SULT2B1: variants seen among roughly 807,000 people sequenced by gnomAD.
SULT2B1 encodes sulfotransferase 2B1.
SULT2B1 carries 16 observed loss-of-function variants against 33.2 expected under a neutral mutation model. The observed-to-expected ratio is 0.48, with a 90% CI of 0.33 to 0.73. The LOEUF (loss-of-function observed/expected upper bound fraction) is 0.73. Among genes scored for constraint, SULT2B1 ranks in the 30% least tolerant of loss-of-function variants. The pLI is 0.02. For synonymous variants in SULT2B1, 186 were observed against 200.5 expected (o/e 0.93, Z 0.61); for missense variants, 500 against 506.0 (o/e 0.99, Z 0.11).
At chr19:48,592,336 A>G (rs1973653877) in intron 4 of SULT2B1, among the ~76,000 whole-genome samples, 1 of 151,990 alleles carries the variant, frequency 6.6e-6, no homozygotes, top group African/African-American at 2.4e-5. Context: ...AAATGCAGAA[A>G]GAGAGATGGA....
chr19:48,554,148 G>A (rs763143485), intron 1 of SULT2B1, among the ~76,000 whole-genome samples: 1 of 151,998 alleles, frequency 6.6e-6, no homozygotes, highest in Non-Finnish European at 1.5e-5. Context: ...CAGAGCCCTG[G>A]GGGGGTGCCC....
chr19:48,560,212 G>C (rs375481115), intron 1 of SULT2B1, among the ~76,000 whole-genome samples: 1 of 152,054 alleles, frequency 6.6e-6, no homozygotes, highest in African/African-American at 2.4e-5. Flanking sequence ...CCAGAAACTC[G>C]AATGCTAGCA....
At chr19:48,555,532 A>G (rs1156725076) in intron 1 of SULT2B1, among the ~76,000 whole-genome samples, 1 of 143,380 alleles carries the variant, frequency 7.0e-6, no homozygotes, top group Non-Finnish European at 1.5e-5. Flanking sequence ...CTCCTTGCAT[A>G]GGGATCCCAG....
intron 5 of SULT2B1, chr19:48,596,498 G>T (rs1179921442): frequency 6.5e-6 from 3 of 458,206 alleles, no homozygotes; most frequent in South Asian, 3.1e-5. Context: ...CCCCTGCTGT[G>T]ACCTCTGCCC....
chr19:48,565,433 G>A (rs1362569680), intron 1 of SULT2B1, among the ~76,000 whole-genome samples: 2 of 151,804 alleles, frequency 1.3e-5, no homozygotes, highest in Admixed American at 6.6e-5. Flanking sequence ...AGGCTGAAGT[G>A]CAATGGCTAG....
intron 2 of SULT2B1, among the ~76,000 whole-genome samples, chr19:48,581,850 A>G (rs1346785255): frequency 6.7e-6 from 1 of 149,972 alleles, no homozygotes; most frequent in Non-Finnish European, 1.5e-5. Context: ...TTTCATTTTC[A>G]TATCAGCGTC....
intron 1 of SULT2B1, among the ~76,000 whole-genome samples, chr19:48,557,181 G>T (rs1040858273): frequency 6.6e-6 from 1 of 152,150 alleles, no homozygotes; most frequent in African/African-American, 2.4e-5. Flanking sequence ...GGGGCCCAGA[G>T]ATATCAGCAA....
At chr19:48,577,475 C>T (rs10417160) in intron 2 of SULT2B1, among the ~76,000 whole-genome samples, 72,038 of 147,662 alleles carry the variant, frequency 0.49, 17,512 homozygotes, top group South Asian at 0.59. Flanking sequence ...AAGCGATTCT[C>T]CTGCCTCAGC....
rs59742141 is a variant in SULT2B1, at chr19:48,582,989, CA to C, written c.215-4228del. ...GCAACATGGCAAAATCCTATCTCTA[CA>C]AAAAAAAAAAATTAGCCAGGCGTGG... is the stretch of plus-strand genomic sequence containing the variant. On this transcript the variant is annotated intron_variant, in intron 2 of 6. Coordinates refer to ENST00000201586, the MANE Select transcript of SULT2B1 (RefSeq NM_177973.2). Among the ~76,000 whole-genome samples the C allele has an allele frequency of 7.9e-4, 98 of 123,968 alleles. 1 individual carries two copies. Among genetic ancestry groups the C allele is most frequent in the South Asian group, 1.7e-3 (7 of 4,200 alleles). The allele number at this position is 123,968 out of a possible 152,430, so 81.3% of individuals were successfully genotyped here.
At chr19:48,590,305 T>TA (rs1355709288) in intron 3 of SULT2B1, among the ~76,000 whole-genome samples, 1 of 150,998 alleles carries the variant, frequency 6.6e-6, no homozygotes, top group Non-Finnish European at 1.5e-5. Context: ...ACCTTGTTTC[T>TA]AAAAAATAAG....
At chr19:48,571,620 C>T (rs1048803626) in intron 1 of SULT2B1, among the ~76,000 whole-genome samples, 1 of 147,084 alleles carries the variant, frequency 6.8e-6, no homozygotes, top group Non-Finnish European at 1.5e-5. Flanking sequence ...CATTGGCAAA[C>T]AAGACAGAAC....
chr19:48,552,264 C>A lies in SULT2B1; in HGVS notation c.12C>A (p.Pro4=). MDG[P]AEPQIPGLWD... ...CTCACCCACCTGCCATGGACGGGCC[C>A]GCCGAGCCCCAGATCCCGGGCTTGT... The change falls in exon 1 of 7, where the codon CCC becomes CCA. Residue 4 remains proline, a synonymous_variant. Transcript: ENST00000201586. The surrounding 1 kb of genome is among the most constrained non-coding windows in gnomAD (Gnocchi z 4.8). The A allele has an allele frequency of 6.2e-7, 1 of 1,613,850 alleles. No individual in the cohort carries two copies. Among genetic ancestry groups the A allele is most frequent in the Non-Finnish European group, 8.5e-7 (1 of 1,179,898 alleles).
chr19:48,572,143 G>C (rs928799959), intron 1 of SULT2B1, among the ~76,000 whole-genome samples: 2 of 152,114 alleles, frequency 1.3e-5, no homozygotes, highest in Admixed American at 6.6e-5. Flanking sequence ...TGGACAGAGG[G>C]AATTCAGAGG....
At chr19:48,554,068 C>T (rs964976623) in intron 1 of SULT2B1, among the ~76,000 whole-genome samples, 6 of 152,022 alleles carry the variant, frequency 3.9e-5, no homozygotes, top group Non-Finnish European at 8.8e-5. Flanking sequence ...TGACCCTCTG[C>T]GAAGCTCGGT....
intron 1 of SULT2B1, among the ~76,000 whole-genome samples, chr19:48,561,276 A>G (rs1601087528): frequency 6.6e-6 from 1 of 151,900 alleles, no homozygotes; most frequent in Non-Finnish European, 1.5e-5. Flanking sequence ...TAAAAATAGA[A>G]GAGTAGCTGG....
chr19:48,556,505 C>A (rs895233801), intron 1 of SULT2B1, among the ~76,000 whole-genome samples: 1 of 152,004 alleles, frequency 6.6e-6, no homozygotes, highest in Non-Finnish European at 1.5e-5. Flanking sequence ...GAGTAAGGGG[C>A]AGCTGGGTCA....
rs1308188014 is a variant in SULT2B1 at position 48,587,338 on chromosome 19, G to A, written c.324G>A (p.Val108=). ...WERAPWCETI[V]GAFSLPDQYS... ...GGGCACCCTGGTGTGAGACCATTGTGGGTGCCTTCAGCCTCCCGGACCAGT... is the reference window on the plus strand; with the variant it reads ...GGGCACCCTGGTGTGAGACCATTGTAGGTGCCTTCAGCCTCCCGGACCAGT... Residue 108 remains valine (V), a synonymous_variant, in exon 3 of 7, where the codon GTG becomes GTA. Transcript: ENST00000201586. 6.2e-7 allele frequency: 1 copy of A among 1,613,950 alleles called. No individual in the cohort carries two copies. Among genetic ancestry groups the A allele is most frequent in the Non-Finnish European group, 8.5e-7 (1 of 1,179,988 alleles).
chr19:48,567,562 A>G (rs77192090), intron 1 of SULT2B1, among the ~76,000 whole-genome samples: 3 of 152,080 alleles, frequency 2.0e-5, no homozygotes, highest in African/African-American at 7.2e-5. Context: ...ACAACAAAAA[A>G]AGAACACAGT....
At chr19:48,565,898 C>T (rs1414551306) in intron 1 of SULT2B1, among the ~76,000 whole-genome samples, 2 of 149,430 alleles carry the variant, frequency 1.3e-5, no homozygotes, top group Non-Finnish European at 3.0e-5. Context: ...AAGACAGGCA[C>T]ATGCCACCAC....
Sources: allele counts gnomAD v4.1 joint callset (sites outside exome capture counted in the v4.1 genomes callset), GRCh38; gene constraint gnomAD v4.1.1; non-coding constraint Gnocchi (gnomAD v3.1); transcripts MANE v1.5; gene names NCBI Gene and HGNC (gene_info 2026-07-23, HGNC 2026-07-21).